Variants in KCNK10 observed in about 807,000 individuals in gnomAD.
The protein encoded by KCNK10 is potassium channel subfamily K member 10.
Under a neutral mutation model 47.7 loss-of-function variants are expected in KCNK10, and 25 were observed. The observed-to-expected ratio is 0.52, with a 90% CI of 0.38 to 0.73. KCNK10 has a LOEUF of 0.73. KCNK10 is among the 30% of genes least tolerant of loss of function. The probability of loss-of-function intolerance (pLI) is 0.00; values close to 1 mark genes in which losing one functional copy is unlikely to be tolerated. For missense variants in KCNK10, 563 were observed against 714.5 expected, an observed-to-expected ratio of 0.79 and a Z score of 2.42; for synonymous variants, 303 against 285.6, an observed-to-expected ratio of 1.06 and a Z score of -0.61.
At chr14:88,253,743 T>C (rs1886863915) in intron 2 of KCNK10, among the ~76,000 whole-genome samples, 1 of 151,980 alleles carries the variant, frequency 6.6e-6, no homozygotes, top group Non-Finnish European at 1.5e-5. Flanking sequence ...CTACTAAAAA[T>C]ACAAAAATTA....
At chr14:88,194,196 C>A (rs1884837575) in intron 4 of KCNK10, among the ~76,000 whole-genome samples, 1 of 152,256 alleles carries the variant, frequency 6.6e-6, no homozygotes, top group Admixed American at 6.5e-5. Flanking sequence ...CTTTTCCACA[C>A]ATGAAAGTGT....
chr14:88,294,885 C>T (rs1887954391), intron 1 of KCNK10, among the ~76,000 whole-genome samples: 1 of 152,166 alleles, frequency 6.6e-6, no homozygotes, highest in African/African-American at 2.4e-5. Context: ...TAAATGAAGT[C>T]AACTATGACC....
At chr14:88,238,618 G>A (rs1036854275) in intron 3 of KCNK10, among the ~76,000 whole-genome samples, 2 of 152,146 alleles carry the variant, frequency 1.3e-5, no homozygotes, top group African/African-American at 4.8e-5. Flanking sequence ...AGGCTGCAGT[G>A]AACCATGATC....
intron 5 of KCNK10, among the ~76,000 whole-genome samples, chr14:88,188,771 A>C (rs1418240286): frequency 6.6e-6 from 1 of 152,260 alleles, no homozygotes; most frequent in African/African-American, 2.4e-5. Context: ...TTTATAAATA[A>C]GGATTACAGT....
At chr14:88,326,734 A>G (rs1888673156), upstream of KCNK10, 1 of 458,068 alleles carries the variant, frequency 2.2e-6, no homozygotes, top group Non-Finnish European at 3.9e-6. Context: ...GAGCGCACCA[A>G]TAGTTGCCCC....
rs55899872 is a variant in KCNK10 at position 88,274,566 on chromosome 14, A to AAAAAAAAAAAAAAAAAAAAAT, written c.53-11016_53-11015insATTTTTTTTTTTTTTTTTTTT. On this transcript the variant is annotated intron_variant, in intron 1 of 6. Coordinates refer to ENST00000319231, the MANE Select transcript of KCNK10 (RefSeq NM_138317.3). The stretch of plus-strand genomic sequence containing the variant: ...ACTCTATCTAAAAAAAAAAAAAAAA[A>AAAAAAAAAAAAAAAAAAAAAT]GATCTTATGGCTTAAGTCCGTAACA... Among the ~76,000 whole-genome samples, 49 of 139,648 alleles carry AAAAAAAAAAAAAAAAAAAAAT rather than the reference A, an allele frequency of 3.5e-4. 6 individuals are homozygous for AAAAAAAAAAAAAAAAAAAAAT. Among genetic ancestry groups the AAAAAAAAAAAAAAAAAAAAAT allele is most frequent in the African/African-American group, 1.2e-3 (40 of 32,166 alleles). The allele number at this position is 139,648 out of a possible 152,430, so 91.6% of individuals were successfully genotyped here. A position where few individuals can be genotyped will look rare whatever the true frequency, so the allele number is the denominator to read the frequency against.
intron 1 of KCNK10, among the ~76,000 whole-genome samples, chr14:88,316,344 G>T (rs1355575648): frequency 6.6e-6 from 1 of 152,124 alleles, no homozygotes; most frequent in Non-Finnish European, 1.5e-5. Flanking sequence ...CTTAAACTGT[G>T]GCTGCAAATG....
chr14:88,250,806 A>T (rs757119503), intron 2 of KCNK10, among the ~76,000 whole-genome samples: 6 of 152,118 alleles, frequency 3.9e-5, no homozygotes, highest in Non-Finnish European at 7.4e-5. Context: ...CAGAAAAATC[A>T]CTTGAATACA....
At chr14:88,318,091 G>T (rs1229209333) in intron 1 of KCNK10, among the ~76,000 whole-genome samples, 1 of 152,240 alleles carries the variant, frequency 6.6e-6, no homozygotes, top group Non-Finnish European at 1.5e-5. Flanking sequence ...CAGCGCACTG[G>T]AGGTTTAGAG....
intron 1 of KCNK10, among the ~76,000 whole-genome samples, chr14:88,306,910 C>G (rs1888213533): frequency 6.6e-6 from 1 of 152,104 alleles, no homozygotes; most frequent in South Asian, 2.1e-4. Flanking sequence ...TTAGACTGGT[C>G]AACACTATGT....
chr14:88,187,626 C>CACT (rs11435414), intron 6 of KCNK10, among the ~76,000 whole-genome samples: 1 of 141,038 alleles, frequency 7.1e-6, no homozygotes, highest in Non-Finnish European at 1.5e-5. Context: ...ACAGGCTGCA[C>CACT]CCCCCCACAC....
chr14:88,294,371 A>G (rs547355265), intron 1 of KCNK10, among the ~76,000 whole-genome samples: 1 of 152,398 alleles, frequency 6.6e-6, no homozygotes, highest in Admixed American at 6.5e-5. Context: ...AGGATTTCCA[A>G]GATGGAACTT....
At chr14:88,277,007 G>T (rs1595119138) in intron 1 of KCNK10, among the ~76,000 whole-genome samples, 1 of 152,194 alleles carries the variant, frequency 6.6e-6, no homozygotes, top group African/African-American at 2.4e-5. Context: ...ATCAAAAGTG[G>T]GGTATCATAT....
chr14:88,214,026 G>A (rs188606567), intron 4 of KCNK10, among the ~76,000 whole-genome samples: 3 of 151,368 alleles, frequency 2.0e-5, no homozygotes, highest in African/African-American at 7.3e-5. Flanking sequence ...TGCAACCTCC[G>A]CCTCCCAGGT....
intron 3 of KCNK10, among the ~76,000 whole-genome samples, chr14:88,230,221 A>T (rs185403063): frequency 5.4e-4 from 83 of 152,320 alleles, no homozygotes; most frequent in African/African-American, 1.9e-3. Context: ...ATATGTCTCC[A>T]GGAAAACTCA....
intron 1 of KCNK10, among the ~76,000 whole-genome samples, chr14:88,285,365 G>A (rs564181987): frequency 6.6e-6 from 1 of 152,318 alleles, no homozygotes; most frequent in East Asian, 1.9e-4. Flanking sequence ...GCCCACCTCA[G>A]CCTCCCAAAG....
intron 1 of KCNK10, among the ~76,000 whole-genome samples, chr14:88,286,217 G>A (rs1183427584): frequency 6.6e-6 from 1 of 152,122 alleles, no homozygotes; most frequent in Non-Finnish European, 1.5e-5. Flanking sequence ...TCCCAGGTGA[G>A]GCTCATCTTC....
chr14:88,281,727 C>CATATATATATATATATAT (rs10541410), intron 1 of KCNK10, among the ~76,000 whole-genome samples: 132 of 141,718 alleles, frequency 9.3e-4, no homozygotes, highest in African/African-American at 3.5e-3. Context: ...TCTCTCTCTC[C>CATATATATATATATATAT]ATATATATAT....
intron 3 of KCNK10, among the ~76,000 whole-genome samples, 190 bp from the exon 4 acceptor site, chr14:88,227,725 C>G (rs1007976976): frequency 2.6e-5 from 4 of 152,156 alleles, no homozygotes; most frequent in Non-Finnish European, 4.4e-5. Flanking sequence ...CCCTTATAAA[C>G]GGTTTTAAGG....
Sources: gnomAD v4.1 joint callset for allele counts (sites outside exome capture counted in the v4.1 genomes callset) on GRCh38, gnomAD v4.1.1 for gene constraint, MANE v1.5 for transcripts, NCBI Gene and HGNC (gene_info 2026-07-23, HGNC 2026-07-21) for gene names.